Variants in PLEKHA6 observed in about 807,000 individuals in gnomAD.
PLEKHA6 encodes the protein pleckstrin homology domain-containing family A member 6.
A neutral mutation model predicts 116.7 loss-of-function variants in PLEKHA6; 60 were observed. That is an observed-to-expected ratio of 0.51 (90% confidence interval 0.42 to 0.64). The LOEUF is 0.64. PLEKHA6 is among the 30% of genes least tolerant of loss of function. The pLI, the probability that PLEKHA6 is intolerant of heterozygous loss-of-function variation, is 0.00. For synonymous variants in PLEKHA6, 489 were observed against 556.1 expected (o/e 0.88, Z 1.70); for missense variants, 1,338 against 1,422.7 (o/e 0.94, Z 0.96).
chr1:204,338,839 G>A (rs982623303), intron 1 of PLEKHA6, among the ~76,000 whole-genome samples: 4 of 152,194 alleles, frequency 2.6e-5, no homozygotes, highest in African/African-American at 4.8e-5. Flanking sequence ...GGCAGACCCC[G>A]GTAGGATGCA....
intron 1 of PLEKHA6, among the ~76,000 whole-genome samples, chr1:204,306,689 T>C (rs952249495): frequency 6.6e-6 from 1 of 152,186 alleles, no homozygotes; most frequent in Non-Finnish European, 1.5e-5. Flanking sequence ...CAACAGTAGA[T>C]AGATACCGGG....
chr1:204,372,821 A>C (rs1673800400), intron 1 of PLEKHA6, among the ~76,000 whole-genome samples: 1 of 151,822 alleles, frequency 6.6e-6, no homozygotes, highest in African/African-American at 2.4e-5. Context: ...ACCATAGATT[A>C]GTTGCATTTT....
chr1:204,282,496 T>A (rs1333167936), intron 1 of PLEKHA6: 1 of 305,226 alleles, frequency 3.3e-6, no homozygotes, highest in Non-Finnish European at 4.8e-6. Context: ...GGCCAGGGTC[T>A]GAGACCTCCT....
chr1:204,311,607 A>T (rs1671661946), intron 1 of PLEKHA6: 1 of 980,926 alleles, frequency 1.0e-6, no homozygotes, highest in South Asian at 4.7e-5. Context: ...AATACAATAC[A>T]GTTTTCAAAT....
intron 1 of PLEKHA6, among the ~76,000 whole-genome samples, chr1:204,339,314 T>TA (rs1194953647): frequency 6.6e-6 from 1 of 152,202 alleles, no homozygotes; most frequent in African/African-American, 2.4e-5. Flanking sequence ...CCAGTCAACC[T>TA]AGAGAACCCT....
At chr1:204,369,886 C>A (rs1171229137) in intron 2 of PLEKHA6, among the ~76,000 whole-genome samples, 1 of 152,202 alleles carries the variant, frequency 6.6e-6, no homozygotes, top group Admixed American at 6.5e-5. Flanking sequence ...AGTCAGGAGG[C>A]CTCGCTGCAA....
rs1659517099 is a variant in PLEKHA6, at chr1:204,220,326, T to C, written c.*2462A>G. ...GGGTCATCAGGAGCAGACAGTGTAA[T>C]AAAATCCTTAGGCCAGGACTTCCGA... On this transcript the variant is annotated 3_prime_UTR_variant, in exon 23 of 23. Transcript: ENST00000272203. 1 of 152,226 alleles carries C rather than the reference T, an allele frequency of 6.6e-6. No individual in the cohort carries two copies. Among genetic ancestry groups the C allele is most frequent in the Non-Finnish European group, 1.5e-5 (1 of 68,046 alleles). The allele number at this position is 152,226 out of a possible 1,614,324, so 9.4% of individuals were successfully genotyped here. A position where few individuals can be genotyped will look rare whatever the true frequency, so the allele number is the denominator to read the frequency against.
chr1:204,257,929 C>A lies in PLEKHA6; in HGVS notation c.1008-60G>T. ...AACACGGGCACCCCTCCACCCACCC[C>A]AGCCCCACCTCCAGGTCCCCCAGCC... On this transcript the variant is annotated intron_variant, in intron 8 of 22. Coordinates refer to ENST00000272203, the MANE Select transcript of PLEKHA6 (RefSeq NM_014935.5). This position sits in a 1 kb window ranked among gnomAD's most constrained non-coding sequence, Gnocchi z 6.5. The A allele has an allele frequency of 6.7e-7, 1 of 1,492,204 alleles. No homozygotes were observed. The highest frequency in any genetic ancestry group is 1.3e-5 in the South Asian group (1 of 77,712). 92.4% of individuals were successfully genotyped at this position (1,492,204 alleles called of 1,614,324 possible).
At chr1:204,305,859 C>T (rs1010714745) in intron 1 of PLEKHA6, among the ~76,000 whole-genome samples, 2 of 152,198 alleles carry the variant, frequency 1.3e-5, no homozygotes, top group Non-Finnish European at 2.9e-5. Flanking sequence ...TTCCATTGTA[C>T]TATATGATTT....
intron 1 of PLEKHA6, among the ~76,000 whole-genome samples, chr1:204,353,980 G>A (rs895883753): frequency 1.3e-4 from 20 of 152,206 alleles, no homozygotes; most frequent in African/African-American, 4.3e-4. Context: ...TGCTGCTCAT[G>A]TGGTCCCAGG....
chr1:204,308,981 G>A (rs752949786), intron 1 of PLEKHA6: 24 of 632,670 alleles, frequency 3.8e-5, no homozygotes, highest in Admixed American at 1.3e-4. Flanking sequence ...GAGCCACCAC[G>A]CCCGGCCTCA....
chr1:204,230,198 T>C, intron 18 of PLEKHA6, among the ~76,000 whole-genome samples: 1 of 152,278 alleles, frequency 6.6e-6, no homozygotes, highest in Admixed American at 6.5e-5. Flanking sequence ...CATTCCTTTT[T>C]GTGAGTTATT....
In PLEKHA6 at chr1:204,220,119, C is replaced by G. The variant is rs550276323; in HGVS notation, c.*2669G>C. On this transcript the variant is annotated 3_prime_UTR_variant, in exon 23 of 23. Transcript: ENST00000272203. ...GCCTCCTCTGGGCTTCGCACCGTCT[C>G]GTACACTGACATCCTTAGTGCTGTT... 1.3e-5 allele frequency: 2 copies of G among 152,326 alleles called. No individual in the cohort carries two copies. Among genetic ancestry groups the G allele is most frequent in the East Asian group, 1.9e-4 (1 of 5,184 alleles). 9.4% of individuals were successfully genotyped at this position (152,326 alleles called of 1,614,324 possible). A position where few individuals can be genotyped will look rare whatever the true frequency, so the allele number is the denominator to read the frequency against.
intron 3 of PLEKHA6, 63 bp from the exon 4 acceptor site, chr1:204,268,375 G>GGA: frequency 1.7e-6 from 2 of 1,195,804 alleles, no homozygotes; most frequent in Non-Finnish European, 2.4e-6. Context: ...TTATCTGCAA[G>GGA]GGAGCCACCC....
At chr1:204,281,352 T>C (rs886831311) in intron 1 of PLEKHA6, among the ~76,000 whole-genome samples, 76 of 151,906 alleles carry the variant, frequency 5.0e-4, no homozygotes, top group South Asian at 4.2e-4. Flanking sequence ...AGTGAAACCC[T>C]GTCTCTACTA....
chr1:204,258,619 C>G (rs1236914537), intron 8 of PLEKHA6, among the ~76,000 whole-genome samples: 1 of 152,258 alleles, frequency 6.6e-6, no homozygotes, highest in Non-Finnish European at 1.5e-5. Flanking sequence ...CCTGCAGTCC[C>G]TGGAGCTGCC....
chr1:204,237,149 A>C (rs1367210280), intron 17 of PLEKHA6, among the ~76,000 whole-genome samples: 5 of 152,148 alleles, frequency 3.3e-5, no homozygotes, highest in African/African-American at 1.2e-4. Flanking sequence ...TCAGGTAATT[A>C]ATGGAGTTTT....
In PLEKHA6 at chr1:204,268,271, G is replaced by A. The variant is rs752432580; in HGVS notation, c.144C>T (p.Arg48=). 1 of 1,612,706 alleles carries A rather than the reference G, an allele frequency of 6.2e-7. No individual in the cohort carries two copies. Among genetic ancestry groups the A allele is most frequent in the East Asian group, 2.2e-5 (1 of 44,738 alleles). Residue 48 remains arginine (R), a synonymous_variant, in exon 4 of 23, where the codon CGC becomes CGT. Transcript: ENST00000272203. The part of the protein sequence containing the change: ...TARKAVAFGK[R]SHSMKRNPNA... ...TGGGGTTCCGCTTCATGGAGTGTGA[G>A]CGCTTGCCAAAGGCGACGGCTTTGC...
At chr1:204,243,347 G>A (rs115203415) in intron 15 of PLEKHA6, 156 of 399,452 alleles carry the variant, frequency 3.9e-4, no homozygotes, top group Non-Finnish European at 6.1e-4. Flanking sequence ...GCAGGAGGCA[G>A]ACAACAACAT....
Sources: allele counts gnomAD v4.1 joint callset (sites outside exome capture counted in the v4.1 genomes callset), GRCh38; gene constraint gnomAD v4.1.1; non-coding constraint Gnocchi (gnomAD v3.1); transcripts MANE v1.5; gene names NCBI Gene and HGNC (gene_info 2026-07-23, HGNC 2026-07-21).